AMD1: variants seen among roughly 807,000 people sequenced by gnomAD.
The protein encoded by AMD1 is adenosylmethionine decarboxylase 1.
A neutral mutation model predicts 40.2 loss-of-function variants in AMD1; 11 were observed. The observed-to-expected ratio is 0.27, with a 90% CI of 0.17 to 0.45. The LOEUF is 0.45. Among genes scored for constraint, AMD1 ranks in the 20% least tolerant of loss-of-function variants. The pLI, the probability that AMD1 is intolerant of heterozygous loss-of-function variation, is 1.00. For synonymous variants in AMD1, 121 were observed against 130.8 expected (o/e 0.93, Z 0.51); for missense variants, 257 against 410.2 (o/e 0.63, Z 3.23).
At chr6:110,840,589 C>G in the AMD1 span, among the ~76,000 whole-genome samples, 1 of 152,136 alleles carries the variant, frequency 6.6e-6, no homozygotes, top group Non-Finnish European at 1.5e-5. Context: ...CCTAGGCCTG[C>G]CACCCTTCAG....
At chr6:110,816,323 G>A in the AMD1 span, among the ~76,000 whole-genome samples, 112 of 152,308 alleles carry the variant, frequency 7.4e-4, no homozygotes, top group African/African-American at 2.5e-3. Context: ...TGCATGATGT[G>A]AGGTTCTAGA....
the AMD1 span, chr6:110,858,655 G>A: frequency 8.5e-7 from 1 of 1,181,782 alleles, no homozygotes; most frequent in Non-Finnish European, 1.3e-6. Flanking sequence ...TGCAGAGCGG[G>A]GTGGACATCG....
chr6:110,879,678 A>C (rs2115278929), intron 1 of AMD1, among the ~76,000 whole-genome samples: 1 of 152,300 alleles, frequency 6.6e-6, no homozygotes, highest in African/African-American at 2.4e-5. Context: ...TGATGAATGT[A>C]CTGTAATGAG....
At chr6:110,851,211 C>T in the AMD1 span, among the ~76,000 whole-genome samples, 1 of 152,142 alleles carries the variant, frequency 6.6e-6, no homozygotes, top group East Asian at 1.9e-4. Context: ...GGTGATCCAT[C>T]TGCCTTGGCC....
At chr6:110,868,240 C>T in the AMD1 span, among the ~76,000 whole-genome samples, 10 of 152,012 alleles carry the variant, frequency 6.6e-5, no homozygotes, top group South Asian at 2.1e-4. Flanking sequence ...TTCTGCCTCC[C>T]GGGTTCATGC....
At chr6:110,852,430 C>T in the AMD1 span, among the ~76,000 whole-genome samples, 2 of 151,780 alleles carry the variant, frequency 1.3e-5, no homozygotes, top group African/African-American at 4.8e-5. Flanking sequence ...CCTTGTTGCC[C>T]AGGCTGTTCT....
intron 1 of AMD1, among the ~76,000 whole-genome samples, chr6:110,886,215 T>G (rs1392036733): frequency 7.8e-5 from 6 of 76,732 alleles, no homozygotes; most frequent in African/African-American, 1.2e-4. Flanking sequence ...AGAGCAAGAC[T>G]CAGTCTCAAA....
chr6:110,845,346 A>G, the AMD1 span, among the ~76,000 whole-genome samples: 3 of 152,008 alleles, frequency 2.0e-5, no homozygotes, highest in Non-Finnish European at 2.9e-5. Context: ...GCCCGGTGCC[A>G]CAGACGTTTA....
rs1050331599 is a variant in AMD1, at chr6:110,893,022, T to C, written c.821T>C (p.Val274Ala). Residue 274 changes from valine to alanine, a missense_variant, in exon 8 of 9, where the codon GTC becomes GCC. Transcript: ENST00000368885. ...YDDLIRKVVEVFKPGKFVTTL... is the reference protein window; with the variant it reads ...YDDLIRKVVEAFKPGKFVTTL... ...GACCTGATCAGGAAAGTTGTAGAAG[T>C]CTTCAAGCCAGGAAAATTTGTGACC... The C allele has an allele frequency of 6.2e-7, 1 of 1,611,260 alleles. No homozygotes were observed. The highest frequency in any genetic ancestry group is 1.3e-5 in the African/African-American group (1 of 74,864).
At chr6:110,833,032 G>T in the AMD1 span, among the ~76,000 whole-genome samples, 5 of 152,112 alleles carry the variant, frequency 3.3e-5, no homozygotes, top group Admixed American at 1.3e-4. Flanking sequence ...TGTTGGCCAG[G>T]CTGGTCTCAA....
rs574429322 is a variant in AMD1 at position 110,887,713 on chromosome 6, G to A, written c.197+122G>A. 5.2e-5 allele frequency: 33 copies of A among 632,990 alleles called. No individual in the cohort carries two copies. The East Asian group carries it at 9.3e-4, about 18-fold the overall frequency. The allele number at this position is 632,990 out of a possible 1,614,324, so 39.2% of individuals were successfully genotyped here. Reference sequence around the variant, plus strand: ...TTGTTTTGTTTTGTTTTTTTGAGACGGAGTTTCAGTCACCCAGGCTGGAGT... The same window carrying A: ...TTGTTTTGTTTTGTTTTTTTGAGACAGAGTTTCAGTCACCCAGGCTGGAGT... On this transcript the variant is annotated intron_variant, in intron 2 of 8. Transcript: ENST00000368885.
At chr6:110,815,216 G>T in the AMD1 span, 1 of 1,388,256 alleles carries the variant, frequency 7.2e-7, no homozygotes, top group East Asian at 2.9e-5. Flanking sequence ...CGCGACCGCC[G>T]CTCCACTTCT....
At chr6:110,883,641 G>C (rs999640889) in intron 1 of AMD1, among the ~76,000 whole-genome samples, 3 of 152,184 alleles carry the variant, frequency 2.0e-5, no homozygotes, top group African/African-American at 7.2e-5. Flanking sequence ...GCCAGGGCTG[G>C]AGTGCAGTGA....
rs192217205 is a variant in AMD1, at chr6:110,880,447, C to G, written c.110+5232C>G. Among the ~76,000 whole-genome samples, 8 of 152,148 alleles carry G rather than the reference C, an allele frequency of 5.3e-5. No individual in the cohort carries two copies. The East Asian group carries it at 1.5e-3, about 29-fold the overall frequency. ...AAGAAATCATTGCCAAATGTAATGC[C>G]CTGAAGCATTTACCCTATGTATTCT... On this transcript the variant is annotated intron_variant, in intron 1 of 8. Transcript: ENST00000368885.
chr6:110,882,005 T>C (rs560152089), intron 1 of AMD1, among the ~76,000 whole-genome samples: 28 of 152,330 alleles, frequency 1.8e-4, no homozygotes, highest in African/African-American at 6.7e-4. Flanking sequence ...GATTGCCAAA[T>C]AGATCAGTTT....
the AMD1 span, among the ~76,000 whole-genome samples, chr6:110,847,860 C>T: frequency 1.3e-5 from 2 of 151,508 alleles, no homozygotes; most frequent in African/African-American, 4.8e-5. Flanking sequence ...TACAGGTGCA[C>T]ACCACCATGC....
In AMD1 at chr6:110,883,810, G is replaced by T. The variant is rs142570249; in HGVS notation, c.111-3695G>T. On this transcript the variant is annotated intron_variant, in intron 1 of 8. Transcript: ENST00000368885. ...GACGGGGTTTCACCTTGTTAGCCAG[G>T]ATGGTCTTGATCTCCTGACCTTGTG... is the stretch of plus-strand genomic sequence containing the variant. 8.5e-3 allele frequency among the ~76,000 whole-genome samples: 1,289 copies of T among 152,032 alleles called. 18 individuals carry two copies. Among genetic ancestry groups the T allele is most frequent in the African/African-American group, 0.03 (1,234 of 41,460 alleles).
the AMD1 span, among the ~76,000 whole-genome samples, chr6:110,841,358 C>A: frequency 3.3e-5 from 5 of 152,198 alleles, no homozygotes; most frequent in South Asian, 2.1e-4. Flanking sequence ...TAAGCCCTAA[C>A]CTATGTAGCT....
intron 1 of AMD1, among the ~76,000 whole-genome samples, chr6:110,876,121 C>G (rs1179725584): frequency 6.6e-6 from 1 of 152,246 alleles, no homozygotes; most frequent in Non-Finnish European, 1.5e-5. Context: ...TGCGGGCCGT[C>G]ACGCGAGAGA....
Sources: allele counts gnomAD v4.1 joint callset (sites outside exome capture counted in the v4.1 genomes callset), GRCh38; gene constraint gnomAD v4.1.1; transcripts MANE v1.5; gene names NCBI Gene and HGNC (gene_info 2026-07-23, HGNC 2026-07-21).